Variants in GPRIN3 observed in about 807,000 individuals in gnomAD.
GPRIN3 encodes GPRIN family member 3, also known as G protein-regulated inducer of neurite outgrowth 3.
GPRIN3 carries 12 observed loss-of-function variants against 13.7 expected under a neutral mutation model. The observed-to-expected ratio is 0.87, with a 90% confidence interval of 0.56 to 1.42. The LOEUF is 1.42. Among genes scored for constraint, GPRIN3 ranks in the 40% most tolerant of loss-of-function variants. The pLI, the probability that GPRIN3 is intolerant of heterozygous loss-of-function variation, is 0.00. For synonymous variants in GPRIN3, 377 were observed against 372.7 expected (o/e 1.01, Z -0.13); for missense variants, 1,009 against 958.7 (o/e 1.05, Z -0.69).
intron 1 of GPRIN3, among the ~76,000 whole-genome samples, chr4:89,254,752 T>C (rs1445623500): frequency 6.6e-6 from 1 of 152,184 alleles, no homozygotes; most frequent in African/African-American, 2.4e-5. Context: ...CATAATGGAA[T>C]TGCTGGGTTG....
rs1347075004 is a variant in GPRIN3, at chr4:89,249,472, G to A, written c.639C>T (p.Ser213=). The change falls in exon 2 of 2, where the codon TCC becomes TCT. Residue 213 remains serine, a synonymous_variant. Coordinates refer to ENST00000609438, the MANE Select transcript of GPRIN3 (RefSeq NM_198281.3). ...VTAARVVSHS[S]SPVGGPEGER... is the part of the protein sequence containing the mutation. The stretch of plus-strand genomic sequence containing the variant: ...CCCCTTCAGGTCCACCTACAGGAGA[G>A]GATGAGTGACTGACCACCCTGGCTG... 4 of 1,614,092 alleles carry A rather than the reference G, an allele frequency of 2.5e-6. No homozygotes were observed. The highest frequency in any genetic ancestry group is 1.1e-5 in the South Asian group (1 of 91,082).
In GPRIN3 at chr4:89,261,879, A is replaced by AG. The variant is rs796602788; in HGVS notation, c.-123-11647dup. 3.7e-4 allele frequency among the ~76,000 whole-genome samples: 56 copies of AG among 152,210 alleles called. 1 individual carries two copies. The South Asian group carries it at 7.7e-3, about 21-fold the overall frequency. ...TAATTCTAGGACTTCGGGAGGCTGT[A>AG]GGGGGGTGGATAGCCTGAGCTTAGG... On this transcript the variant is annotated intron_variant, in intron 1 of 1. Coordinates refer to ENST00000609438, the MANE Select transcript of GPRIN3 (RefSeq NM_198281.3).
chr4:89,285,937 T>C (rs1724399807), intron 1 of GPRIN3, among the ~76,000 whole-genome samples: 1 of 152,162 alleles, frequency 6.6e-6, no homozygotes, highest in Non-Finnish European at 1.5e-5. Context: ...AGTTCTTCAT[T>C]TGGATTAATC....
chr4:89,267,331 C>T (rs1723807110), intron 1 of GPRIN3, among the ~76,000 whole-genome samples: 1 of 152,190 alleles, frequency 6.6e-6, no homozygotes, highest in South Asian at 2.1e-4. Context: ...AATGCACTCT[C>T]TGGATTTTCC....
Position 89,248,707 on chromosome 4 carries a change from A to C in GPRIN3, c.1404T>G (p.Ile468Met). 2 of 1,614,172 alleles carry C rather than the reference A, an allele frequency of 1.2e-6. No homozygotes were observed. The highest frequency in any genetic ancestry group is 1.7e-6 in the Non-Finnish European group (2 of 1,180,014). ...TNSSSLKATA[I>M]DQISISACSQ... ...TGCATGCACTGATAGAAATCTGGTC[A>C]ATGGCGGTAGCTTTCAGGGAGCTAG... is the stretch of plus-strand genomic sequence containing the variant. The change falls in exon 2 of 2, where the codon ATT becomes ATG. Residue 468 changes from isoleucine (I) to methionine (M), a missense_variant. Transcript: ENST00000609438.
intron 1 of GPRIN3, 171 bp from the exon 2 acceptor site, chr4:89,250,404 CTT>C: frequency 3.7e-6 from 1 of 272,138 alleles, no homozygotes; most frequent in Non-Finnish European, 6.8e-6. Flanking sequence ...TAAAAATAGA[CTT>C]GAGAAAAAGA....
intron 1 of GPRIN3, among the ~76,000 whole-genome samples, chr4:89,251,720 G>A (rs1279867209): frequency 6.6e-6 from 1 of 152,138 alleles, no homozygotes; most frequent in African/African-American, 2.4e-5. Context: ...TTTCATTTTT[G>A]TAAAACAATG....
At chr4:89,265,259 T>C (rs1561200062) in intron 1 of GPRIN3, among the ~76,000 whole-genome samples, 1 of 152,178 alleles carries the variant, frequency 6.6e-6, no homozygotes, top group African/African-American at 2.4e-5. Flanking sequence ...GGGATATATA[T>C]CAGTGTTTTG....
chr4:89,278,925 C>G (rs1269262503), intron 1 of GPRIN3, among the ~76,000 whole-genome samples: 4 of 152,190 alleles, frequency 2.6e-5, no homozygotes, highest in Non-Finnish European at 5.9e-5. Context: ...TGGTAGAGGC[C>G]TGTCACTGGA....
At chr4:89,261,155 G>C (rs946055311) in intron 1 of GPRIN3, among the ~76,000 whole-genome samples, 5 of 152,166 alleles carry the variant, frequency 3.3e-5, no homozygotes, top group African/African-American at 1.2e-4. Flanking sequence ...ATCTAGGGTA[G>C]AGTTTCTCAC....
intron 1 of GPRIN3, among the ~76,000 whole-genome samples, chr4:89,278,160 C>T (rs1724146801): frequency 6.6e-6 from 1 of 152,134 alleles, no homozygotes; most frequent in South Asian, 2.1e-4. Flanking sequence ...ACATGAGTTC[C>T]AAATCAGATT....
chr4:89,273,463 C>T (rs1479732189), intron 1 of GPRIN3, among the ~76,000 whole-genome samples: 12 of 152,106 alleles, frequency 7.9e-5, no homozygotes, highest in African/African-American at 1.4e-4. Context: ...GGGTGGATCA[C>T]GAGGTCAGGA....
rs564633016 is a variant in GPRIN3, at chr4:89,278,377, C to T, written c.-123-28144G>A. 2.0e-5 allele frequency among the ~76,000 whole-genome samples: 3 copies of T among 152,248 alleles called. No individual in the cohort carries two copies. The East Asian group carries it at 5.8e-4, about 29-fold the overall frequency. ...TATCTGATTCTTAAATGAGAGCTTT[C>T]GTTCATTTGCCACAGCGATAATGAC... On this transcript the variant is annotated intron_variant, in intron 1 of 1. Coordinates refer to ENST00000609438, the MANE Select transcript of GPRIN3 (RefSeq NM_198281.3).
In GPRIN3 at chr4:89,282,635, G is replaced by T. The variant is rs367569014; in HGVS notation, c.-124+24980C>A. ...TTTTTTAGCTGATCAGCTATTGTTA[G>T]TGTGTTTTATGTGTTGCCCAAGACA... On this transcript the variant is annotated intron_variant, in intron 1 of 1. Transcript: ENST00000609438. 3.1e-3 allele frequency among the ~76,000 whole-genome samples: 438 copies of T among 140,820 alleles called. 22 individuals carry two copies. The South Asian group carries it at 0.093, about 30-fold the overall frequency. The allele number at this position is 140,820 out of a possible 152,430, so 92.4% of individuals were successfully genotyped here. A position where few individuals can be genotyped will look rare whatever the true frequency, so the allele number is the denominator to read the frequency against.
At chr4:89,268,912 T>C (rs998173920) in intron 1 of GPRIN3, among the ~76,000 whole-genome samples, 1 of 152,158 alleles carries the variant, frequency 6.6e-6, no homozygotes, top group African/African-American at 2.4e-5. Context: ...AGGAACTGGC[T>C]ATGAAAGCAA....
intron 1 of GPRIN3, among the ~76,000 whole-genome samples, chr4:89,254,128 G>GGTGTGTGTGGGTGTGT (rs1553949835): frequency 4.7e-5 from 7 of 147,646 alleles, no homozygotes; most frequent in Non-Finnish European, 1.0e-4. Context: ...GTTGCATCTG[G>GGTGTGTGTGGGTGTGT]GTGTGTGTGT....
chr4:89,293,647 T>A (rs1724651575), intron 1 of GPRIN3, among the ~76,000 whole-genome samples: 1 of 152,188 alleles, frequency 6.6e-6, no homozygotes, highest in African/African-American at 2.4e-5. Context: ...CAGTTTATCT[T>A]TATGGGTTTC....
In GPRIN3 at chr4:89,237,838, T is replaced by G. The variant is rs961829147; in HGVS notation, c.*9942A>C. 6.6e-6 allele frequency: 1 copy of G among 152,142 alleles called. No individual in the cohort carries two copies. The highest frequency in any genetic ancestry group is 1.5e-5 in the Non-Finnish European group (1 of 68,032). The allele number at this position is 152,142 out of a possible 1,614,324, so 9.4% of individuals were successfully genotyped here. A position where few individuals can be genotyped will look rare whatever the true frequency, so the allele number is the denominator to read the frequency against. The stretch of plus-strand genomic sequence containing the variant: ...TATGCTAAGAAGGATGTTCTTCTGT[T>G]TGCTACTCAACATTGAAGATGTGAA... On this transcript the variant is annotated 3_prime_UTR_variant, in exon 2 of 2. Transcript: ENST00000609438.
chr4:89,249,198 C>T lies in GPRIN3; in HGVS notation c.913G>A (p.Ala305Thr). 1 of 1,614,192 alleles carries T rather than the reference C, an allele frequency of 6.2e-7. No homozygotes were observed. Among genetic ancestry groups the T allele is most frequent in the Non-Finnish European group, 8.5e-7 (1 of 1,180,026 alleles). ...GGAACTTCCTTGATTTCACTTTCAGCTTGGTTGGTCATCGTACTGGCTTCT... is the reference window on the plus strand; with the variant it reads ...GGAACTTCCTTGATTTCACTTTCAGTTTGGTTGGTCATCGTACTGGCTTCT... ...FKEASTMTNQ[A>T]ESEIKEVPSR... Residue 305 changes from alanine (A) to threonine (T), a missense_variant, in exon 2 of 2, where the codon GCT becomes ACT. Ala to Thr is a moderately conservative substitution (Grantham distance 58). Transcript: ENST00000609438.
Sources: gnomAD v4.1 joint callset for allele counts (sites outside exome capture counted in the v4.1 genomes callset) on GRCh38, gnomAD v4.1.1 for gene constraint, MANE v1.5 for transcripts, NCBI Gene and HGNC (gene_info 2026-07-23, HGNC 2026-07-21) for gene names.